The following CNTN5 variants were observed in gnomAD, a reference collection of about 807,000 sequenced individuals.
The protein encoded by CNTN5 is contactin-5.
CNTN5 carries 77 observed loss-of-function variants against 129.1 expected under a neutral mutation model. The ratio of observed to expected loss-of-function variants is 0.60; its 90% CI spans 0.50 to 0.72. CNTN5 has a LOEUF of 0.72. Ranked by LOEUF, CNTN5 falls within the 30% of genes least tolerant of loss-of-function variation. CNTN5 has a pLI of 0.00. For missense variants in CNTN5, 1,478 were observed against 1,328.8 expected (o/e 1.11, Z -1.75); for synonymous variants, 509 against 465.6 (o/e 1.09, Z -1.20).
At chr11:100,321,788 G>C (rs978033316) in intron 21 of CNTN5, among the ~76,000 whole-genome samples, 2 of 151,864 alleles carry the variant, frequency 1.3e-5, no homozygotes, top group African/African-American at 4.8e-5. Context: ...ATGCTTTTTT[G>C]CATTTACTGA....
At chr11:99,124,540 C>G (rs35500733) in intron 1 of CNTN5, among the ~76,000 whole-genome samples, 1 of 151,682 alleles carries the variant, frequency 6.6e-6, no homozygotes, top group Admixed American at 6.6e-5. Flanking sequence ...AACAATTTAA[C>G]ATCACATCTA....
chr11:100,186,353 T>C (rs1948301529), intron 13 of CNTN5, among the ~76,000 whole-genome samples: 2 of 152,092 alleles, frequency 1.3e-5, no homozygotes, highest in South Asian at 2.1e-4. Flanking sequence ...CCAGCCTGGG[T>C]GACAGAGCAA....
chr11:99,553,604 G>C (rs1456318281), intron 2 of CNTN5, among the ~76,000 whole-genome samples: 1 of 151,764 alleles, frequency 6.6e-6, no homozygotes, highest in Non-Finnish European at 1.5e-5. Flanking sequence ...AAAACCAAGA[G>C]AGTAAATTTC....
Position 99,804,695 on chromosome 11 carries a change from T to A in CNTN5, c.56-14849T>A, listed in dbSNP as rs373550590. Among the ~76,000 whole-genome samples the A allele has an allele frequency of 2.8e-4, 43 of 151,576 alleles. No homozygotes were observed. In the East Asian group the frequency reaches 5.8e-3, roughly 20 times the overall value. On this transcript the variant is annotated intron_variant, in intron 3 of 24. Coordinates refer to ENST00000524871, the MANE Select transcript of CNTN5 (RefSeq NM_014361.4). ...GCAGAAACTCTTAATATGGAAGGAA[T>A]AGAATATTTTAAAGATATAATAAAA...
chr11:99,416,199 C>G (rs1237482545), intron 2 of CNTN5, among the ~76,000 whole-genome samples: 2 of 152,128 alleles, frequency 1.3e-5, no homozygotes, highest in Admixed American at 6.5e-5. Context: ...AGCCTAATTA[C>G]CAGCATACTG....
At chr11:99,310,165 G>A (rs1335745714) in intron 1 of CNTN5, among the ~76,000 whole-genome samples, 2 of 152,002 alleles carry the variant, frequency 1.3e-5, no homozygotes, top group Admixed American at 1.3e-4. Flanking sequence ...TTGTGAATAC[G>A]CACGCATAAG....
At chr11:100,168,227 A>G (rs942680735) in intron 13 of CNTN5, among the ~76,000 whole-genome samples, 32 of 152,098 alleles carry the variant, frequency 2.1e-4, no homozygotes, top group African/African-American at 7.5e-4. Flanking sequence ...CAGAAGATAT[A>G]ACTAAGGGCA....
chr11:99,800,875 C>CA (rs910176100), intron 3 of CNTN5, among the ~76,000 whole-genome samples: 2 of 151,784 alleles, frequency 1.3e-5, no homozygotes, highest in African/African-American at 4.8e-5. Flanking sequence ...TTATTTTATT[C>CA]AAATTGCCAC....
intron 2 of CNTN5, among the ~76,000 whole-genome samples, chr11:99,492,915 C>T (rs1398937460): frequency 2.0e-5 from 3 of 152,118 alleles, no homozygotes; most frequent in Non-Finnish European, 4.4e-5. Flanking sequence ...TTTATGTCTT[C>T]AGTTCAGAGA....
At chr11:99,360,663 G>C (rs1237998706) in intron 2 of CNTN5, among the ~76,000 whole-genome samples, 3 of 152,088 alleles carry the variant, frequency 2.0e-5, no homozygotes, top group Non-Finnish European at 4.4e-5. Context: ...GGAAGGGAGT[G>C]GCAGCTCCGA....
At chr11:99,334,417 ACTTAT>A in intron 2 of CNTN5, among the ~76,000 whole-genome samples, 1 of 152,146 alleles carries the variant, frequency 6.6e-6, no homozygotes, top group East Asian at 1.9e-4. Context: ...TGGATGTGAT[ACTTAT>A]CTTAATTTGA....
intron 1 of CNTN5, among the ~76,000 whole-genome samples, chr11:99,040,938 G>A (rs1863962095): frequency 6.6e-6 from 1 of 152,128 alleles, no homozygotes; most frequent in African/African-American, 2.4e-5. Flanking sequence ...ACTGCAAAGT[G>A]TAATTAATGC....
chr11:99,095,581 A>G (rs1866437532), intron 1 of CNTN5, among the ~76,000 whole-genome samples: 1 of 151,958 alleles, frequency 6.6e-6, no homozygotes, highest in African/African-American at 2.4e-5. Flanking sequence ...AGATAAACGT[A>G]GGAGAAGAGA....
chr11:99,834,686 A>G (rs1947248472), intron 4 of CNTN5, among the ~76,000 whole-genome samples: 1 of 152,178 alleles, frequency 6.6e-6, no homozygotes, highest in African/African-American at 2.4e-5. Context: ...AACTTTGAGA[A>G]CTGCTAGATG....
At chr11:99,617,009 G>T (rs1339975447) in intron 3 of CNTN5, among the ~76,000 whole-genome samples, 1 of 152,206 alleles carries the variant, frequency 6.6e-6, no homozygotes, top group Non-Finnish European at 1.5e-5. Flanking sequence ...TACTCGGGAG[G>T]CTGAGGCAGG....
intron 7 of CNTN5, among the ~76,000 whole-genome samples, chr11:99,932,349 C>T (rs979887631): frequency 8.6e-5 from 13 of 152,014 alleles, no homozygotes; most frequent in Admixed American, 3.9e-4. Context: ...CCCACCACCA[C>T]GCCTGGCTAA....
intron 3 of CNTN5, among the ~76,000 whole-genome samples, chr11:99,716,462 C>A (rs530903856): frequency 6.6e-6 from 1 of 152,120 alleles, no homozygotes; most frequent in African/African-American, 2.4e-5. Context: ...CTCTCCACCT[C>A]TGGTCAGACC....
At chr11:99,369,227 T>TA (rs1393841638) in intron 2 of CNTN5, among the ~76,000 whole-genome samples, 39 of 145,882 alleles carry the variant, frequency 2.7e-4, no homozygotes, top group South Asian at 6.4e-4. Flanking sequence ...AATATATATA[T>TA]ATGTATTTCA....
intron 3 of CNTN5, among the ~76,000 whole-genome samples, chr11:99,573,763 T>G (rs1235341244): frequency 1.3e-5 from 2 of 151,776 alleles, no homozygotes; most frequent in Non-Finnish European, 2.9e-5. Flanking sequence ...TTTCCTTTTT[T>G]GTCTTCTTTT....
Sources: allele counts gnomAD v4.1 joint callset (sites outside exome capture counted in the v4.1 genomes callset), GRCh38; gene constraint gnomAD v4.1.1; transcripts MANE v1.5; gene names NCBI Gene and HGNC (gene_info 2026-07-23, HGNC 2026-07-21).